The following ZFHX4 variants were observed in gnomAD, a reference collection of about 807,000 sequenced individuals.
ZFHX4 encodes the protein zinc finger homeobox protein 4.
ZFHX4 carries 56 observed loss-of-function variants against 267.6 expected under a neutral mutation model. The ratio of observed to expected loss-of-function variants is 0.21; its 90% CI spans 0.17 to 0.26. The LOEUF (loss-of-function observed/expected upper bound fraction) is 0.26, where lower values mean the gene tolerates loss of function less well. Among genes scored for constraint, ZFHX4 ranks in the 10% least tolerant of loss-of-function variants. ZFHX4 has a pLI of 1.00. For missense variants in ZFHX4, 4,332 were observed against 4,420.0 expected (o/e 0.98, Z 0.56); for synonymous variants, 1,778 against 1,665.6 (o/e 1.07, Z -1.64).
chr8:76,842,653 A>T lies in ZFHX4; in HGVS notation c.3395-2A>T. 1 of 1,548,764 alleles carries T rather than the reference A, an allele frequency of 6.5e-7. No homozygotes were observed. Among genetic ancestry groups the T allele is most frequent in the Non-Finnish European group, 8.7e-7 (1 of 1,145,080 alleles). On this transcript the variant is annotated splice_acceptor_variant, in intron 5 of 10. Transcript: ENST00000651372. LOFTEE classifies it high-confidence loss of function. ...TACTGATTGGTCTGCCTTTCTTAAC[A>T]GAAGAACAAAGTGAGGAGGCAGAAG...
chr8:76,832,996 A>G (rs1811975689), intron 4 of ZFHX4, among the ~76,000 whole-genome samples: 1 of 152,122 alleles, frequency 6.6e-6, no homozygotes. Flanking sequence ...AATTTATGTA[A>G]TGTGCTATTG....
chr8:76,839,468 A>G (rs1812179745), intron 5 of ZFHX4, among the ~76,000 whole-genome samples: 1 of 152,202 alleles, frequency 6.6e-6, no homozygotes, highest in Non-Finnish European at 1.5e-5. Context: ...GGACCTTGAT[A>G]TACATGGTAA....
chr8:76,860,046 C>A lies in ZFHX4; in HGVS notation c.9380-3048C>A, dbSNP rs77123993. Among the ~76,000 whole-genome samples, 390 of 152,142 alleles carry A rather than the reference C, an allele frequency of 2.6e-3. 5 individuals are homozygous for A. The highest frequency in any genetic ancestry group is 9.0e-3 in the African/African-American group (374 of 41,562). ...AAAGAATGTATATTTAACAGTATAA[C>A]TAGATAAAAGATAAAATTTGACACG... On this transcript the variant is annotated intron_variant, in intron 10 of 10. Transcript: ENST00000651372.
chr8:76,819,980 T>G (rs1257439905), intron 4 of ZFHX4, among the ~76,000 whole-genome samples: 1 of 152,174 alleles, frequency 6.6e-6, no homozygotes. Flanking sequence ...AGTAAAGAGA[T>G]GTATATGAGA....
chr8:76,856,934 A>C (rs1586019041), intron 10 of ZFHX4, among the ~76,000 whole-genome samples: 1 of 152,286 alleles, frequency 6.6e-6, no homozygotes, highest in Non-Finnish European at 1.5e-5. Context: ...ATGCATTGCT[A>C]CTTGTTATTT....
intron 4 of ZFHX4, among the ~76,000 whole-genome samples, chr8:76,829,165 T>C (rs976892883): frequency 2.6e-5 from 4 of 151,948 alleles, no homozygotes; most frequent in African/African-American, 9.7e-5. Context: ...CTGAATCTTA[T>C]AATTCTCTGC....
intron 4 of ZFHX4, among the ~76,000 whole-genome samples, chr8:76,807,766 A>C (rs1811280388): frequency 6.6e-6 from 1 of 152,172 alleles, no homozygotes; most frequent in Admixed American, 6.6e-5. Context: ...AAAGATTTAC[A>C]ATCAATGCCT....
chr8:76,683,648 G>A (rs973734467), intron 1 of ZFHX4: 1 of 125,732 alleles, frequency 8.0e-6, no homozygotes, highest in African/African-American at 4.6e-5. Flanking sequence ...GAGAGGGGGG[G>A]AGAGAGGGAG....
At chr8:76,829,475 G>A (rs1811876361) in intron 4 of ZFHX4, among the ~76,000 whole-genome samples, 1 of 152,022 alleles carries the variant, frequency 6.6e-6, no homozygotes, top group South Asian at 2.1e-4. Context: ...ATAAAAGGTA[G>A]TGAGAGAGAG....
At chr8:76,734,230 T>C (rs1349539935) in intron 3 of ZFHX4, among the ~76,000 whole-genome samples, 2 of 152,190 alleles carry the variant, frequency 1.3e-5, no homozygotes, top group African/African-American at 2.4e-5. Flanking sequence ...TAAAATGTTA[T>C]GGACATGAGA....
intron 6 of ZFHX4, among the ~76,000 whole-genome samples, chr8:76,848,719 C>G (rs1419490131): frequency 6.6e-6 from 1 of 152,000 alleles, no homozygotes; most frequent in Non-Finnish European, 1.5e-5. Context: ...TCTGAGACAC[C>G]AGAGAGCATG....
chr8:76,710,550 G>A (rs1368688169), intron 3 of ZFHX4, among the ~76,000 whole-genome samples: 1 of 152,110 alleles, frequency 6.6e-6, no homozygotes, highest in Non-Finnish European at 1.5e-5. Context: ...CAGAGTTAGT[G>A]GCTAGACAGT....
chr8:76,774,115 C>G (rs7815108), intron 3 of ZFHX4, among the ~76,000 whole-genome samples: 5,902 of 152,182 alleles, frequency 0.039, 152 homozygotes, highest in Non-Finnish European at 0.057. Flanking sequence ...AGTTGCTCAT[C>G]AGAGAATCAT....
At position 76,849,683 on chromosome 8, in the gene ZFHX4, C is replaced by T. The variant is rs61729527; in HGVS notation, c.3817C>T (p.Pro1273Ser). Residue 1273 changes from proline to serine, a missense_variant, in exon 8 of 11, where the codon CCA (proline) becomes TCA (serine). This residue lies in a region of ZFHX4 where 1,371 missense variants were observed against 1,423.1 expected (regional missense o/e 0.96). Transcript: ENST00000651372. ...TCTGACGCATTTGCACAGTGTGTCT[C>T]CAGACTGTGTGGAGAAGCTGCTTAT... ...LHLTHLHSVSPDCVEKLLMTV... is the reference protein window; with the variant it reads ...LHLTHLHSVSSDCVEKLLMTV... The T allele has an allele frequency of 0.047, 76,587 of 1,613,724 alleles. 2,025 individuals carry two copies. The highest frequency in any genetic ancestry group is 0.052 in the Non-Finnish European group (61,390 of 1,179,780).
At position 76,863,087 on chromosome 8, in the gene ZFHX4, T is replaced by C. The variant is rs1251450921; in HGVS notation, c.9380-7T>C. On this transcript the variant is annotated splice_polypyrimidine_tract_variant and splice_region_variant and intron_variant, in intron 10 of 10. Transcript: ENST00000651372. ...GACAGTGGCCATCTCTCTGTTGTTG[T>C]TTTCAGCTTTAACACCTCCCGGTGC... 2.7e-6 allele frequency: 4 copies of C among 1,497,592 alleles called. No homozygotes were observed. The highest frequency in any genetic ancestry group is 3.6e-6 in the Non-Finnish European group (4 of 1,122,806). The allele number at this position is 1,497,592 out of a possible 1,614,324, so 92.8% of individuals were successfully genotyped here. A position where few individuals can be genotyped will look rare whatever the true frequency, so the allele number is the denominator to read the frequency against.
chr8:76,745,175 A>G (rs1264598829), intron 3 of ZFHX4, among the ~76,000 whole-genome samples: 1 of 152,166 alleles, frequency 6.6e-6, no homozygotes, highest in African/African-American at 2.4e-5. Context: ...GGTATGATGC[A>G]TGGATCAAGC....
chr8:76,733,006 T>A (rs1462130098), intron 3 of ZFHX4, among the ~76,000 whole-genome samples: 1 of 152,194 alleles, frequency 6.6e-6, no homozygotes, highest in Non-Finnish European at 1.5e-5. Context: ...CAGAGACTCA[T>A]CCAGCCTGTG....
intron 3 of ZFHX4, among the ~76,000 whole-genome samples, chr8:76,717,363 T>A (rs140940598): frequency 2.1e-4 from 32 of 152,292 alleles, no homozygotes; most frequent in African/African-American, 7.5e-4. Flanking sequence ...TAGAACTACT[T>A]GTATTAACTG....
At chr8:76,831,835 C>T (rs1334740356) in intron 4 of ZFHX4, among the ~76,000 whole-genome samples, 1 of 152,044 alleles carries the variant, frequency 6.6e-6, no homozygotes, top group Admixed American at 6.6e-5. Flanking sequence ...TTAATCAAGG[C>T]ATAACTTTAT....
Sources: allele counts gnomAD v4.1 joint callset (sites outside exome capture counted in the v4.1 genomes callset), GRCh38; gene constraint gnomAD v4.1.1; regional missense constraint gnomAD v4.1.1; transcripts MANE v1.5; gene names NCBI Gene and HGNC (gene_info 2026-07-23, HGNC 2026-07-21).